Variants in PCSK2 observed in about 807,000 individuals in gnomAD.
PCSK2 encodes neuroendocrine convertase 2.
PCSK2 carries 14 observed loss-of-function variants against 69.7 expected under a neutral mutation model. The observed-to-expected ratio is 0.20, with a 90% CI of 0.13 to 0.31. PCSK2 has a LOEUF of 0.31. PCSK2 is among the 10% of genes least tolerant of loss of function. PCSK2 has a pLI of 1.00. For synonymous variants in PCSK2, 307 were observed against 320.7 expected (o/e 0.96, Z 0.46); for missense variants, 544 against 842.5 (o/e 0.65, Z 4.39).
At chr20:17,230,598 CTT>C (rs1281879377) in intron 1 of PCSK2, among the ~76,000 whole-genome samples, 1 of 152,116 alleles carries the variant, frequency 6.6e-6, no homozygotes, top group Non-Finnish European at 1.5e-5. Flanking sequence ...TTTCTTTTTA[CTT>C]TTATTATATT....
intron 2 of PCSK2, among the ~76,000 whole-genome samples, chr20:17,277,163 A>G (rs1988114250): frequency 6.6e-6 from 1 of 152,188 alleles, no homozygotes; most frequent in African/African-American, 2.4e-5. Flanking sequence ...TTATAGATTC[A>G]ATGCCATCCC....
At chr20:17,378,082 T>TG (rs1032531339) in intron 5 of PCSK2, among the ~76,000 whole-genome samples, 1 of 152,184 alleles carries the variant, frequency 6.6e-6, no homozygotes, top group African/African-American at 2.4e-5. Context: ...TCCCTGACCT[T>TG]GGGGGGTTCA....
intron 11 of PCSK2, among the ~76,000 whole-genome samples, chr20:17,469,452 C>T (rs2033163669): frequency 6.6e-6 from 1 of 152,010 alleles, no homozygotes; most frequent in East Asian, 1.9e-4. Flanking sequence ...TATGCTAGGC[C>T]CATTTACATT....
At chr20:17,405,409 G>T (rs2031730397) in intron 5 of PCSK2, among the ~76,000 whole-genome samples, 1 of 152,172 alleles carries the variant, frequency 6.6e-6, no homozygotes, top group South Asian at 2.1e-4. Context: ...AGCCTCAGAA[G>T]CTTCTCTGTG....
In PCSK2 at chr20:17,243,827, G is replaced by A. The variant is rs1600404131; in HGVS notation, c.177+16345G>A. Among the ~76,000 whole-genome samples the A allele has an allele frequency of 2.0e-5, 3 of 152,184 alleles. No individual in the cohort carries two copies. The South Asian group carries it at 6.2e-4, about 32-fold the overall frequency. ...TGAGAGACAGTCTGCAAAATAACTG[G>A]CCTGTACTCTTCAAAAGTATTAACG... On this transcript the variant is annotated intron_variant, in intron 1 of 11. Coordinates refer to ENST00000262545, the MANE Select transcript of PCSK2 (RefSeq NM_002594.5).
chr20:17,268,458 T>TAG (rs1256665122), intron 2 of PCSK2, among the ~76,000 whole-genome samples: 24 of 152,034 alleles, frequency 1.6e-4, no homozygotes, highest in African/African-American at 5.1e-4. Flanking sequence ...CATTTAAATA[T>TAG]AGACCTGAAG....
intron 4 of PCSK2, among the ~76,000 whole-genome samples, chr20:17,365,031 G>A (rs557524944): frequency 2.6e-5 from 4 of 152,156 alleles, no homozygotes; most frequent in African/African-American, 7.2e-5. Flanking sequence ...GGGATTGGCT[G>A]TAGATGTTTA....
At chr20:17,371,274 A>T (rs2030752918) in intron 5 of PCSK2, among the ~76,000 whole-genome samples, 1 of 151,866 alleles carries the variant, frequency 6.6e-6, no homozygotes, top group Non-Finnish European at 1.5e-5. Context: ...GCTGCTCCCA[A>T]CTCCAGCTGC....
At chr20:17,259,909 G>T (rs962297999) in intron 1 of PCSK2, among the ~76,000 whole-genome samples, 1 of 152,146 alleles carries the variant, frequency 6.6e-6, no homozygotes, top group Non-Finnish European at 1.5e-5. Context: ...AAGGCAAGGA[G>T]AATCTGATGC....
chr20:17,305,812 AG>A (rs1185085820), intron 2 of PCSK2, among the ~76,000 whole-genome samples: 3 of 152,250 alleles, frequency 2.0e-5, no homozygotes, highest in Admixed American at 6.5e-5. Context: ...TGAACAAAAA[AG>A]CTTTATCAAT....
chr20:17,381,170 G>A (rs1600535159), intron 5 of PCSK2, among the ~76,000 whole-genome samples: 2 of 152,080 alleles, frequency 1.3e-5, no homozygotes, highest in Non-Finnish European at 2.9e-5. Flanking sequence ...CCCAACCTAC[G>A]GGAAATTATT....
intron 2 of PCSK2, among the ~76,000 whole-genome samples, chr20:17,286,043 C>CA (rs894779816): frequency 6.6e-6 from 1 of 151,994 alleles, no homozygotes; most frequent in East Asian, 1.9e-4. Flanking sequence ...TGAAAGCCTG[C>CA]AAAAAAATGC....
rs750234336 is a variant in PCSK2, at chr20:17,268,031, G to GTATATATA, written c.282+7688_282+7689insATATATAT. ...AAGGAAATGCATTTATATATCCAATGTGTATATATATATATATATATATAT... is the reference window on the plus strand; with the variant it reads ...AAGGAAATGCATTTATATATCCAATGTATATATATGTATATATATATATATATATATAT... On this transcript the variant is annotated intron_variant, in intron 2 of 11. Transcript: ENST00000262545. Among the ~76,000 whole-genome samples the GTATATATA allele has an allele frequency of 3.2e-3, 372 of 117,906 alleles. 6 individuals are homozygous for GTATATATA. Among genetic ancestry groups the GTATATATA allele is most frequent in the Middle Eastern group, 0.011 (2 of 188 alleles). The allele number at this position is 117,906 out of a possible 152,430, so 77.4% of individuals were successfully genotyped here.
At chr20:17,307,460 G>T (rs557241081) in intron 2 of PCSK2, among the ~76,000 whole-genome samples, 1 of 152,310 alleles carries the variant, frequency 6.6e-6, no homozygotes, top group African/African-American at 2.4e-5. Context: ...GTGGCCAAAG[G>T]GTGGTGGTGG....
chr20:17,254,901 A>G (rs1319131018), intron 1 of PCSK2, among the ~76,000 whole-genome samples: 1 of 152,130 alleles, frequency 6.6e-6, no homozygotes, highest in East Asian at 1.9e-4. Flanking sequence ...TGTTAAATTT[A>G]TTCCCCAGTA....
At chr20:17,284,098 T>C (rs965332525) in intron 2 of PCSK2, among the ~76,000 whole-genome samples, 23 of 152,320 alleles carry the variant, frequency 1.5e-4, no homozygotes, top group Middle Eastern at 3.4e-3. Context: ...TGCCATCTCA[T>C]CTGGTTTGGG....
chr20:17,348,050 G>GGAAAGAAAGAAAGAAAGAAAGGAAA (rs1990737855), intron 2 of PCSK2, among the ~76,000 whole-genome samples: 41 of 86,904 alleles, frequency 4.7e-4, no homozygotes, highest in African/African-American at 1.7e-3. Context: ...AAGAAAGAAA[G>GGAAAGAAAGAAAGAAAGAAAGGAAA]GAAAGAAAGA....
chr20:17,291,690 T>A (rs1400691228), intron 2 of PCSK2, among the ~76,000 whole-genome samples: 2 of 152,126 alleles, frequency 1.3e-5, no homozygotes, highest in Admixed American at 6.5e-5. Context: ...ATTTTATCAG[T>A]TAGAAATTGT....
intron 11 of PCSK2, among the ~76,000 whole-genome samples, 171 bp from the exon 12 acceptor site, chr20:17,481,413 A>AAAAAAAAAAAAAG (rs113487407): frequency 8.6e-6 from 1 of 115,818 alleles, no homozygotes; most frequent in Non-Finnish European, 1.7e-5. Context: ...AAAAAAAAAA[A>AAAAAAAAAAAAAG]AGAGATAAGT....
Sources: allele counts gnomAD v4.1 joint callset (sites outside exome capture counted in the v4.1 genomes callset), GRCh38; gene constraint gnomAD v4.1.1; transcripts MANE v1.5; gene names NCBI Gene and HGNC (gene_info 2026-07-23, HGNC 2026-07-21).